SOX5: variants seen among roughly 807,000 people sequenced by gnomAD.
The protein encoded by SOX5 is transcription factor SOX-5.
SOX5 carries 9 observed loss-of-function variants against 92.0 expected under a neutral mutation model. The observed-to-expected ratio is 0.10, with a 90% confidence interval of 0.06 to 0.17. SOX5 has a LOEUF of 0.17. SOX5 is among the 10% of genes least tolerant of loss of function. The pLI is 1.00. For missense variants in SOX5, 642 were observed against 944.5 expected (o/e 0.68, Z 4.20); for synonymous variants, 344 against 336.3 (o/e 1.02, Z -0.25).
intron 1 of SOX5, among the ~76,000 whole-genome samples, chr12:24,494,481 T>A (rs1170236180): frequency 6.6e-6 from 1 of 152,240 alleles, no homozygotes; most frequent in Non-Finnish European, 1.5e-5. Context: ...TAGTTTATTA[T>A]TATCATAGTT....
At chr12:23,688,811 A>G (rs758194795) in intron 6 of SOX5, among the ~76,000 whole-genome samples, 10 of 152,128 alleles carry the variant, frequency 6.6e-5, no homozygotes, top group Non-Finnish European at 1.5e-4. Context: ...GAGGTCAGGA[A>G]TTCTTTCTTG....
intron 1 of SOX5, among the ~76,000 whole-genome samples, chr12:24,376,879 T>A (rs1031055435): frequency 4.9e-5 from 1 of 20,590 alleles, no homozygotes; most frequent in African/African-American, 1.6e-4. Flanking sequence ...ATTTTTTGAA[T>A]TTTTTTTTTT....
chr12:24,531,960 T>C (rs777993249), intron 1 of SOX5, among the ~76,000 whole-genome samples: 1 of 152,154 alleles, frequency 6.6e-6, no homozygotes, highest in Non-Finnish European at 1.5e-5. Flanking sequence ...AAAATTAGCA[T>C]GAGGACTTTT....
At chr12:23,824,939 C>T (rs2096200424) in intron 3 of SOX5, among the ~76,000 whole-genome samples, 2 of 152,154 alleles carry the variant, frequency 1.3e-5, no homozygotes, top group African/African-American at 2.4e-5. Context: ...ATGCCCCTCC[C>T]CTCACCCAGT....
intron 1 of SOX5, among the ~76,000 whole-genome samples, chr12:24,551,342 T>TGATA (rs1405800843): frequency 9.2e-3 from 8 of 868 alleles, no homozygotes; most frequent in African/African-American, 0.036. Flanking sequence ...CACTGCTTGG[T>TGATA]GACAGACAAT....
At chr12:23,994,376 G>A (rs905943663) in intron 4 of SOX5, among the ~76,000 whole-genome samples, 15 of 151,982 alleles carry the variant, frequency 9.9e-5, no homozygotes, top group Non-Finnish European at 2.1e-4. Context: ...TAATAAATTA[G>A]CCCTTTTGTT....
At position 23,741,053 on chromosome 12, in the gene SOX5, A is replaced by G. The variant is rs770338940; in HGVS notation, c.569-14T>C. The stretch of plus-strand genomic sequence containing the variant: ...TCTCGGGAGTCCCTACAAATCATAT[A>G]GCAATAAAACAGACAAAATAAATGA... On this transcript the variant is annotated splice_polypyrimidine_tract_variant and intron_variant, in intron 4 of 14. Coordinates refer to ENST00000451604, the MANE Select transcript of SOX5 (RefSeq NM_006940.6). 6.4e-7 allele frequency: 1 copy of G among 1,569,430 alleles called. No individual in the cohort carries two copies. The highest frequency in any genetic ancestry group is 1.2e-5 in the South Asian group (1 of 86,872).
intron 1 of SOX5, among the ~76,000 whole-genome samples, chr12:24,394,141 C>T (rs556594786): frequency 3.3e-5 from 5 of 152,104 alleles, no homozygotes; most frequent in Non-Finnish European, 7.4e-5. Context: ...TCACACACAA[C>T]AAGGGAAGCC....
At chr12:23,802,660 A>G (rs7297108) in intron 3 of SOX5, among the ~76,000 whole-genome samples, 16,866 of 152,224 alleles carry the variant, frequency 0.11, 1,134 homozygotes, top group Non-Finnish European at 0.15. Context: ...CTCCCCAGAT[A>G]TGATAGATGA....
intron 2 of SOX5, among the ~76,000 whole-genome samples, chr12:23,869,900 G>A (rs2136726783): frequency 6.6e-6 from 1 of 152,182 alleles, no homozygotes; most frequent in African/African-American, 2.4e-5. Context: ...AGACTTTTAT[G>A]TGTATCCATT....
intron 1 of SOX5, among the ~76,000 whole-genome samples, chr12:24,501,838 C>T (rs1948236819): frequency 6.6e-6 from 1 of 152,078 alleles, no homozygotes; most frequent in Non-Finnish European, 1.5e-5. Flanking sequence ...AAAAACAAAA[C>T]AAATAAACAA....
At chr12:23,722,385 CAG>C (rs1491248496) in intron 6 of SOX5, among the ~76,000 whole-genome samples, 1 of 152,150 alleles carries the variant, frequency 6.6e-6, no homozygotes, top group African/African-American at 2.4e-5. Context: ...GATTCTCCCT[CAG>C]GGTAAAAATT....
intron 3 of SOX5, among the ~76,000 whole-genome samples, chr12:23,811,407 T>C (rs1466932075): frequency 6.6e-6 from 1 of 152,278 alleles, no homozygotes; most frequent in South Asian, 2.1e-4. Flanking sequence ...CCAAGTTCAA[T>C]ACCTGCCCTA....
chr12:24,070,555 G>T (rs1941601382), intron 4 of SOX5, among the ~76,000 whole-genome samples: 1 of 151,810 alleles, frequency 6.6e-6, no homozygotes, highest in Admixed American at 6.6e-5. Context: ...AGGAATCATG[G>T]TGCCCTTTTT....
At chr12:24,036,722 T>C (rs544494560) in intron 4 of SOX5, among the ~76,000 whole-genome samples, 6 of 152,110 alleles carry the variant, frequency 3.9e-5, no homozygotes, top group Non-Finnish European at 5.9e-5. Context: ...GACTCAGTGA[T>C]GTATATAATG....
At chr12:23,743,304 A>AT (rs1207715508) in intron 4 of SOX5, among the ~76,000 whole-genome samples, 2 of 151,670 alleles carry the variant, frequency 1.3e-5, no homozygotes, top group African/African-American at 4.8e-5. Flanking sequence ...GGTCATTTTA[A>AT]TTTTTTTCTT....
At chr12:23,653,009 T>TGGAG (rs2081824117) in intron 7 of SOX5, among the ~76,000 whole-genome samples, 1 of 146,286 alleles carries the variant, frequency 6.8e-6, no homozygotes, top group Non-Finnish European at 1.5e-5. Context: ...TATGGATGGA[T>TGGAG]GGATGGATGA....
intron 1 of SOX5, among the ~76,000 whole-genome samples, chr12:23,913,123 A>G (rs2097369809): frequency 6.6e-6 from 1 of 152,184 alleles, no homozygotes; most frequent in African/African-American, 2.4e-5. Flanking sequence ...AAGTGGCTGA[A>G]CTAGAATTTG....
Position 24,014,896 on chromosome 12 carries a change from G to A in SOX5, c.-1-118872C>T, listed in dbSNP as rs1186392561. On this transcript the variant is annotated intron_variant, in intron 4 of 4. Transcript: ENST00000446891. ...CATTAAGTGCTTTTTGGGAGAAGGG[G>A]ATTTAGAGGTAAAACTGCTGGCTTT... Among the ~76,000 whole-genome samples, 5 of 152,106 alleles carry A rather than the reference G, an allele frequency of 3.3e-5. No individual in the cohort carries two copies. The East Asian group carries it at 7.7e-4, about 23-fold the overall frequency.
Sources: allele counts gnomAD v4.1 joint callset (sites outside exome capture counted in the v4.1 genomes callset), GRCh38; gene constraint gnomAD v4.1.1; transcripts MANE v1.5; gene names NCBI Gene and HGNC (gene_info 2026-07-23, HGNC 2026-07-21).